Variants in GRHL2 observed in about 807,000 individuals in gnomAD.
GRHL2 encodes the protein grainyhead-like protein 2 homolog.
GRHL2 carries 21 observed loss-of-function variants against 83.8 expected under a neutral mutation model. That is an observed-to-expected ratio of 0.25 (90% confidence interval 0.18 to 0.36). GRHL2 has a LOEUF of 0.36. GRHL2 is among the 10% of genes least tolerant of loss of function. The probability of loss-of-function intolerance (pLI) is 1.00; values close to 1 mark genes in which losing one functional copy is unlikely to be tolerated. For missense variants in GRHL2, 623 were observed against 781.8 expected (o/e 0.80, Z 2.42); for synonymous variants, 280 against 278.9 (o/e 1.00, Z -0.04).
chr8:101,637,985 A>G (rs1311273978), intron 12 of GRHL2, among the ~76,000 whole-genome samples: 1 of 152,248 alleles, frequency 6.6e-6, no homozygotes, highest in Non-Finnish European at 1.5e-5. Context: ...CTGGGTCAGA[A>G]TAAATATATG....
chr8:101,558,995 C>T (rs1205947520), intron 4 of GRHL2, among the ~76,000 whole-genome samples, 183 bp downstream of exon 4: 3 of 152,014 alleles, frequency 2.0e-5, no homozygotes, highest in Non-Finnish European at 4.4e-5. Flanking sequence ...ATAAACCTGT[C>T]GATGTGTATG....
At chr8:101,613,355 G>C (rs1371119405) in intron 8 of GRHL2, among the ~76,000 whole-genome samples, 4 of 150,824 alleles carry the variant, frequency 2.7e-5, no homozygotes, top group Non-Finnish European at 4.4e-5. Flanking sequence ...TTCTAAAAGT[G>C]CTATATAATT....
intron 7 of GRHL2, among the ~76,000 whole-genome samples, chr8:101,598,500 A>G (rs1169101939): frequency 6.6e-6 from 1 of 151,796 alleles, no homozygotes; most frequent in Admixed American, 6.6e-5. Context: ...TCGGCCTCCC[A>G]AAGTTCTGGG....
downstream of GRHL2, among the ~76,000 whole-genome samples, chr8:101,670,481 A>G (rs532235823): frequency 3.5e-4 from 53 of 152,348 alleles, no homozygotes; most frequent in African/African-American, 1.3e-3. Flanking sequence ...TGCCTAGACC[A>G]GGGACTGGGA....
chr8:101,575,999 A>G (rs978106894), intron 6 of GRHL2, among the ~76,000 whole-genome samples: 1 of 152,260 alleles, frequency 6.6e-6, no homozygotes, highest in Admixed American at 6.5e-5. Flanking sequence ...TTGTTTACAC[A>G]TACTTTAGGC....
chr8:101,590,264 G>GT (rs1199609590), intron 7 of GRHL2, among the ~76,000 whole-genome samples: 1 of 152,168 alleles, frequency 6.6e-6, no homozygotes, highest in African/African-American at 2.4e-5. Flanking sequence ...TCATAAGTGA[G>GT]TTCTTGTGAG....
chr8:101,538,997 C>T (rs989582744), intron 1 of GRHL2, among the ~76,000 whole-genome samples: 15 of 152,078 alleles, frequency 9.9e-5, no homozygotes, highest in African/African-American at 2.9e-4. Flanking sequence ...AGGCTGATGG[C>T]GCTCTTAAAT....
intron 5 of GRHL2, among the ~76,000 whole-genome samples, chr8:101,572,924 C>A (rs1451117843): frequency 1.3e-5 from 2 of 152,206 alleles, no homozygotes; most frequent in Non-Finnish European, 2.9e-5. Context: ...ACCACAACGA[C>A]TCAACCTTGC....
intron 7 of GRHL2, among the ~76,000 whole-genome samples, chr8:101,589,778 A>G (rs1004059779): frequency 2.6e-5 from 4 of 152,232 alleles, no homozygotes; most frequent in Non-Finnish European, 5.9e-5. Flanking sequence ...TTAATGATAT[A>G]TTAATAGACG....
chr8:101,628,334 A>G (rs1453666697), intron 9 of GRHL2, among the ~76,000 whole-genome samples: 3 of 151,956 alleles, frequency 2.0e-5, no homozygotes, highest in East Asian at 3.9e-4. Flanking sequence ...GTGCTCTGTA[A>G]ACAAAACTAC....
At chr8:101,563,951 T>C (rs1290358442) in intron 4 of GRHL2, among the ~76,000 whole-genome samples, 3 of 152,210 alleles carry the variant, frequency 2.0e-5, no homozygotes, top group Non-Finnish European at 2.9e-5. Context: ...GAAGAGTGTA[T>C]GGATGTGGTC....
intron 8 of GRHL2, among the ~76,000 whole-genome samples, chr8:101,616,390 C>T (rs1159844920): frequency 6.6e-6 from 1 of 152,016 alleles, no homozygotes; most frequent in African/African-American, 2.4e-5. Context: ...GGGCTGGTCT[C>T]GAACTCCTGA....
Position 101,631,628 on chromosome 8 carries a change from TC to T in GRHL2, c.1258-7del. 1 of 1,611,840 alleles carries T rather than the reference TC, an allele frequency of 6.2e-7. No homozygotes were observed. The highest frequency in any genetic ancestry group is 1.7e-5 in the Admixed American group (1 of 59,906). On this transcript the variant is annotated splice_polypyrimidine_tract_variant and splice_region_variant and intron_variant, in intron 9 of 15. Coordinates refer to ENST00000646743, the MANE Select transcript of GRHL2 (RefSeq NM_024915.4). ...CTGGCATTTTCTGTATTTGTTTTTT[TC>T]CTATCAGGGAGCAGAAAGAAAAATC...
intron 1 of GRHL2, among the ~76,000 whole-genome samples, chr8:101,515,205 C>CACACACAA (rs1457933828): frequency 6.6e-6 from 1 of 151,306 alleles, no homozygotes; most frequent in Non-Finnish European, 1.5e-5. Context: ...CACACACACA[C>CACACACAA]ACACATTAAT....
chr8:101,586,205 G>C (rs1396165851), intron 7 of GRHL2, among the ~76,000 whole-genome samples: 1 of 151,108 alleles, frequency 6.6e-6, no homozygotes, highest in African/African-American at 2.4e-5. Flanking sequence ...TCAGCCTCCC[G>C]AGTAGCTGGG....
intron 9 of GRHL2, among the ~76,000 whole-genome samples, chr8:101,625,513 G>C (rs1813063711): frequency 6.6e-6 from 1 of 151,918 alleles, no homozygotes; most frequent in South Asian, 2.1e-4. Context: ...TTTTCATTCA[G>C]TTATTTTAAA....
At chr8:101,562,673 G>A (rs1811632074) in intron 4 of GRHL2, among the ~76,000 whole-genome samples, 1 of 152,116 alleles carries the variant, frequency 6.6e-6, no homozygotes, top group East Asian at 1.9e-4. Context: ...TTGGGATCTT[G>A]GTAAAACAGC....
intron 1 of GRHL2, among the ~76,000 whole-genome samples, chr8:101,520,049 T>C (rs1444792106): frequency 6.6e-6 from 1 of 152,254 alleles, no homozygotes; most frequent in Non-Finnish European, 1.5e-5. Context: ...AAACTTATCA[T>C]AAAGTCAATT....
intron 4 of GRHL2, among the ~76,000 whole-genome samples, chr8:101,566,937 G>A (rs2130205637): frequency 6.6e-6 from 1 of 152,238 alleles, no homozygotes; most frequent in Admixed American, 6.5e-5. Flanking sequence ...GTTCACCACT[G>A]TGTCTGTAGC....
Sources: gnomAD v4.1 joint callset for allele counts (sites outside exome capture counted in the v4.1 genomes callset) on GRCh38, gnomAD v4.1.1 for gene constraint, MANE v1.5 for transcripts, NCBI Gene and HGNC (gene_info 2026-07-23, HGNC 2026-07-21) for gene names.